The following TPRG1 variants were observed in gnomAD, a reference collection of about 807,000 sequenced individuals.
TPRG1 encodes the protein tumor protein p63-regulated gene 1 protein.
In TPRG1, 29 loss-of-function variants were observed where a neutral mutation model predicts 29.3. The observed-to-expected ratio is 0.99, with a 90% CI of 0.74 to 1.35. The LOEUF is 1.35. Ranked by LOEUF, TPRG1 falls within the 40% of genes most tolerant of loss-of-function variation. TPRG1 has a pLI of 0.00. For synonymous variants in TPRG1, 130 were observed against 116.8 expected, an observed-to-expected ratio of 1.11 and a Z score of -0.73; for missense variants, 327 against 335.0, an observed-to-expected ratio of 0.98 and a Z score of 0.19.
intron 4 of TPRG1, among the ~76,000 whole-genome samples, chr3:189,068,811 G>A (rs986073193): frequency 6.6e-6 from 1 of 151,584 alleles, no homozygotes; most frequent in African/African-American, 2.4e-5. Context: ...AGGGAGGGAG[G>A]GAGGAGGGAG....
chr3:189,026,876 G>C (rs1317836408), intron 4 of TPRG1, among the ~76,000 whole-genome samples: 3 of 152,152 alleles, frequency 2.0e-5, no homozygotes, highest in African/African-American at 7.2e-5. Flanking sequence ...AGGCAACATG[G>C]CGTGTTTGTT....
At chr3:189,186,972 G>A (rs1044615303) in intron 1 of TPRG1, among the ~76,000 whole-genome samples, 1 of 130,138 alleles carries the variant, frequency 7.7e-6, no homozygotes, top group African/African-American at 2.9e-5. Context: ...AGATTCATTT[G>A]TTCATCTAAA....
At chr3:189,105,590 T>A (rs1719724859) in intron 1 of TPRG1, among the ~76,000 whole-genome samples, 1 of 152,090 alleles carries the variant, frequency 6.6e-6, no homozygotes, top group Non-Finnish European at 1.5e-5. Context: ...AGCATCTCCC[T>A]CATTTTCCCT....
At chr3:189,028,950 G>GCTAATTTAA (rs1310282312) in intron 4 of TPRG1, among the ~76,000 whole-genome samples, 4 of 151,882 alleles carry the variant, frequency 2.6e-5, no homozygotes, top group Non-Finnish European at 5.9e-5. Flanking sequence ...AGCAAGGGAG[G>GCTAATTTAA]CTAATTTAAC....
At chr3:189,020,478 T>C (rs1713234857) in intron 3 of TPRG1, among the ~76,000 whole-genome samples, 1 of 150,424 alleles carries the variant, frequency 6.6e-6, no homozygotes, top group Non-Finnish European at 1.5e-5. Context: ...CTGCCTTCAT[T>C]TCGTTATGTA....
chr3:189,099,194 G>A (rs796349097), upstream of TPRG1, among the ~76,000 whole-genome samples: 47 of 152,234 alleles, frequency 3.1e-4, 1 homozygote, highest in African/African-American at 1.0e-3. Flanking sequence ...CCCCACCATG[G>A]CTAGCTTTGG....
rs574369553 is a variant in TPRG1 at position 189,305,800 on chromosome 3, C to A, written c.480-4586C>A. ...TCAGATAGTTTAGGATCCTAAACAT[C>A]CATGACTATTACAAACCTTCTTCCA... is the stretch of plus-strand genomic sequence containing the variant. On this transcript the variant is annotated intron_variant, in intron 4 of 5. Transcript: ENST00000345063. 1.6e-4 allele frequency among the ~76,000 whole-genome samples: 24 copies of A among 152,332 alleles called. No homozygotes were observed. In the South Asian group the frequency reaches 5.0e-3, roughly 32 times the overall value.
intron 3 of TPRG1, among the ~76,000 whole-genome samples, chr3:189,007,791 G>A (rs848996): frequency 0.017 from 2,227 of 134,444 alleles, 41 homozygotes; most frequent in African/African-American, 0.064. Context: ...GTAAACTATC[G>A]CAAGAACAAA....
intron 4 of TPRG1, among the ~76,000 whole-genome samples, chr3:189,058,524 T>A (rs565252186): frequency 4.6e-5 from 7 of 152,320 alleles, no homozygotes; most frequent in Admixed American, 2.0e-4. Context: ...CTACCCTTTG[T>A]GGGGCCCACA....
intron 3 of TPRG1, among the ~76,000 whole-genome samples, chr3:189,013,697 G>T (rs1438845010): frequency 1.3e-5 from 2 of 152,080 alleles, no homozygotes; most frequent in Non-Finnish European, 2.9e-5. Flanking sequence ...ATGAATCTGG[G>T]TGCTCCTGTA....
chr3:189,017,384 C>T (rs1478116344), intron 3 of TPRG1, among the ~76,000 whole-genome samples: 3 of 152,078 alleles, frequency 2.0e-5, no homozygotes, highest in Non-Finnish European at 2.9e-5. Flanking sequence ...ACCTGCTCCC[C>T]CCACCTCACA....
intron 3 of TPRG1, among the ~76,000 whole-genome samples, chr3:189,009,135 C>CAGT (rs1459903973): frequency 6.6e-6 from 1 of 152,104 alleles, no homozygotes; most frequent in Non-Finnish European, 1.5e-5. Context: ...TATCTTCAAT[C>CAGT]AGTAACCAGA....
intron 4 of TPRG1, among the ~76,000 whole-genome samples, chr3:189,282,215 C>CAAAAAA (rs577174841): frequency 0.54 from 50,075 of 93,454 alleles, 12,742 homozygotes; most frequent in South Asian, 0.65. Flanking sequence ...TAGTCCTTTC[C>CAAAAAA]AAAAAAAAAA....
intron 1 of TPRG1, chr3:189,000,733 T>TTA (rs974389046): frequency 6.6e-6 from 1 of 151,926 alleles, no homozygotes; most frequent in Non-Finnish European, 1.5e-5. Flanking sequence ...ATGTGCATAT[T>TTA]TATATATATT....
At chr3:189,232,301 T>C (rs1464689471) in intron 3 of TPRG1, among the ~76,000 whole-genome samples, 1 of 152,240 alleles carries the variant, frequency 6.6e-6, no homozygotes, top group African/African-American at 2.4e-5. Flanking sequence ...CTGAGTCCTT[T>C]CCTTGTGAAC....
chr3:189,152,435 G>A (rs1726056668), intron 5 of TPRG1, among the ~76,000 whole-genome samples: 1 of 152,180 alleles, frequency 6.6e-6, no homozygotes, highest in African/African-American at 2.4e-5. Context: ...AAGGGTACAT[G>A]TGGACGGTTT....
At chr3:189,045,720 A>C (rs956369018) in intron 4 of TPRG1, among the ~76,000 whole-genome samples, 1 of 152,236 alleles carries the variant, frequency 6.6e-6, no homozygotes, top group Non-Finnish European at 1.5e-5. Flanking sequence ...ACTGAAAGAA[A>C]TTATTTATAT....
intron 4 of TPRG1, among the ~76,000 whole-genome samples, chr3:189,300,002 G>A (rs1429215024): frequency 6.6e-6 from 1 of 152,178 alleles, no homozygotes; most frequent in African/African-American, 2.4e-5. Context: ...TGGTTGGAGT[G>A]ACACTATGGA....
intron 4 of TPRG1, among the ~76,000 whole-genome samples, chr3:189,294,281 T>C (rs938607736): frequency 1.3e-5 from 2 of 151,536 alleles, no homozygotes; most frequent in African/African-American, 2.4e-5. Flanking sequence ...TGCAGTGATA[T>C]GGAAGATCCT....
Sources: gnomAD v4.1 joint callset for allele counts (sites outside exome capture counted in the v4.1 genomes callset) on GRCh38, gnomAD v4.1.1 for gene constraint, MANE v1.5 for transcripts, NCBI Gene and HGNC (gene_info 2026-07-23, HGNC 2026-07-21) for gene names.